PALM2AKAP2: variants seen among roughly 807,000 people sequenced by gnomAD.
PALM2AKAP2 encodes the protein PALM2 and AKAP2 fusion, also known as PALM2-AKAP2 fusion protein.
PALM2AKAP2 carries 37 observed loss-of-function variants against 71.5 expected under a neutral mutation model. That is an observed-to-expected ratio of 0.52 (90% CI 0.40 to 0.68). The LOEUF is 0.68. PALM2AKAP2 is among the 30% of genes least tolerant of loss of function. PALM2AKAP2 has a pLI of 0.00. For synonymous variants in PALM2AKAP2, 468 were observed against 478.8 expected (o/e 0.98, Z 0.29); for missense variants, 1,224 against 1,191.8 (o/e 1.03, Z -0.40).
intron 1 of PALM2AKAP2, among the ~76,000 whole-genome samples, chr9:109,706,043 C>T (rs77906029): frequency 1.3e-5 from 2 of 151,998 alleles, no homozygotes; most frequent in African/African-American, 4.8e-5. Flanking sequence ...GGATCAAAAT[C>T]GTGTAGAAGG....
At position 109,875,364 on chromosome 9, in the gene PALM2AKAP2, A is replaced by T. The variant is rs553809261; in HGVS notation, c.127-5187A>T. Among the ~76,000 whole-genome samples the T allele has an allele frequency of 3.3e-5, 5 of 152,294 alleles. No individual in the cohort carries two copies. The East Asian group carries it at 9.6e-4, about 29-fold the overall frequency. ...CTAGGCAGCATCATAGTCTGAGATT[A>T]TCTTGCATCCTTGTTTATTGGGATG... On this transcript the variant is annotated intron_variant, in intron 2 of 9. Coordinates refer to the PALM2AKAP2 transcript ENST00000302798.
intron 1 of PALM2AKAP2, among the ~76,000 whole-genome samples, chr9:110,065,984 G>A (rs1171640729): frequency 6.6e-6 from 1 of 152,098 alleles, no homozygotes; most frequent in Non-Finnish European, 1.5e-5. Context: ...TCCACCTTTT[G>A]TCTTGCCCTT....
intron 1 of PALM2AKAP2, among the ~76,000 whole-genome samples, chr9:110,072,593 A>C (rs1363025742): frequency 6.6e-6 from 1 of 152,162 alleles, no homozygotes; most frequent in Non-Finnish European, 1.5e-5. Context: ...GGTTTGAGTG[A>C]GATTTGGAGT....
intron 7 of PALM2AKAP2, among the ~76,000 whole-genome samples, chr9:110,040,993 G>T (rs1232599557): frequency 2.0e-5 from 3 of 152,174 alleles, no homozygotes; most frequent in Non-Finnish European, 4.4e-5. Context: ...TTTTTTAAAT[G>T]CTTCAGTTGC....
At chr9:109,780,600 C>T in intron 1 of PALM2AKAP2, 67 bp downstream of exon 1, 3 of 1,601,690 alleles carry the variant, frequency 1.9e-6, no homozygotes, top group Non-Finnish European at 2.6e-6. Context: ...CCGAGGGTTT[C>T]GGGGCAAGCG....
At chr9:109,648,961 G>T (rs1827187996) in intron 1 of PALM2AKAP2, among the ~76,000 whole-genome samples, 1 of 152,026 alleles carries the variant, frequency 6.6e-6, no homozygotes, top group Non-Finnish European at 1.5e-5. Context: ...TCATTCCATT[G>T]TGTTCTGGCA....
intron 6 of PALM2AKAP2, chr9:109,942,878 C>T (rs1418131517): frequency 6.2e-7 from 1 of 1,614,114 alleles, no homozygotes. Context: ...AAATTAAGCA[C>T]AAAGGATGTA....
intron 7 of PALM2AKAP2, chr9:110,025,075 A>T: frequency 9.1e-7 from 1 of 1,103,914 alleles, no homozygotes; most frequent in Non-Finnish European, 1.4e-6. Flanking sequence ...AGAGTGCTTA[A>T]TGTGCTCAAT....
intron 2 of PALM2AKAP2, among the ~76,000 whole-genome samples, chr9:110,140,303 C>T (rs1279988697): frequency 2.6e-5 from 4 of 152,188 alleles, no homozygotes; most frequent in Admixed American, 6.5e-5. Context: ...GAGATGTCCC[C>T]GTTTTCCTTT....
chr9:110,167,460 C>T, intron 3 of PALM2AKAP2, among the ~76,000 whole-genome samples: 1 of 134,006 alleles, frequency 7.5e-6, no homozygotes, highest in East Asian at 2.8e-4. Context: ...ACCTAAATGC[C>T]ATTAATCTGG....
chr9:109,720,176 A>T (rs543252575), intron 1 of PALM2AKAP2, among the ~76,000 whole-genome samples: 94 of 152,168 alleles, frequency 6.2e-4, no homozygotes, highest in African/African-American at 2.1e-3. Flanking sequence ...TTTAGTAGAG[A>T]TGGGGTTTCA....
At chr9:109,917,834 A>G (rs993527372) in intron 3 of PALM2AKAP2, among the ~76,000 whole-genome samples, 1 of 152,020 alleles carries the variant, frequency 6.6e-6, no homozygotes, top group Non-Finnish European at 1.5e-5. Context: ...GTCCCTTCGG[A>G]TCATTTTTAC....
rs114838359 is a variant in PALM2AKAP2, at chr9:109,789,028, A to G, written c.45+8495A>G. Among the ~76,000 whole-genome samples, 582 of 152,328 alleles carry G rather than the reference A, an allele frequency of 3.8e-3. 3 individuals carry two copies. Among genetic ancestry groups the G allele is most frequent in the African/African-American group, 0.013 (555 of 41,568 alleles). On this transcript the variant is annotated intron_variant, in intron 1 of 9. Transcript: ENST00000302798. ...TTAATCTATTTAAATAAAGTGAGATATCTGTTGGTTACTTGACAACACCGG... is the reference window on the plus strand; with the variant it reads ...TTAATCTATTTAAATAAAGTGAGATGTCTGTTGGTTACTTGACAACACCGG...
At chr9:109,855,495 T>A (rs1031037984) in intron 1 of PALM2AKAP2, among the ~76,000 whole-genome samples, 1 of 152,220 alleles carries the variant, frequency 6.6e-6, no homozygotes, top group Non-Finnish European at 1.5e-5. Context: ...AGAGAAACCA[T>A]GAATGAGAGA....
chr9:109,719,416 C>G (rs1453694074), intron 1 of PALM2AKAP2, among the ~76,000 whole-genome samples: 1 of 152,152 alleles, frequency 6.6e-6, no homozygotes, highest in African/African-American at 2.4e-5. Flanking sequence ...GATGTCTTCA[C>G]TTGTAAATAA....
chr9:109,995,797 T>A (rs1832566103), intron 6 of PALM2AKAP2, among the ~76,000 whole-genome samples: 1 of 152,186 alleles, frequency 6.6e-6, no homozygotes. Context: ...TGGGGAGTGA[T>A]GTGAGCACAG....
At chr9:110,105,892 G>C (rs1268792120) in intron 1 of PALM2AKAP2, among the ~76,000 whole-genome samples, 1 of 152,188 alleles carries the variant, frequency 6.6e-6, no homozygotes, top group Non-Finnish European at 1.5e-5. Context: ...TAAATGTAAT[G>C]TTGTAAGAAA....
At chr9:110,018,313 G>A (rs1334069665) in intron 7 of PALM2AKAP2, among the ~76,000 whole-genome samples, 1 of 152,072 alleles carries the variant, frequency 6.6e-6, no homozygotes, top group African/African-American at 2.4e-5. Context: ...TTAAATAGTT[G>A]AGCAAAATAG....
intron 3 of PALM2AKAP2, 44 bp downstream of exon 10, chr9:110,162,176 C>G (rs1564342177): frequency 6.2e-7 from 1 of 1,608,084 alleles, no homozygotes; most frequent in Admixed American, 1.7e-5. Flanking sequence ...AATGCATGAT[C>G]CAGGTGCATG....
Sources: gnomAD v4.1 joint callset for allele counts (sites outside exome capture counted in the v4.1 genomes callset) on GRCh38, gnomAD v4.1.1 for gene constraint, MANE v1.5 for transcripts, NCBI Gene and HGNC (gene_info 2026-07-23, HGNC 2026-07-21) for gene names.